The following EYA1 variants were observed in gnomAD, a reference collection of about 807,000 sequenced individuals.
The protein encoded by EYA1 is protein phosphatase EYA1.
Under a neutral mutation model 82.0 loss-of-function variants are expected in EYA1, and 16 were observed. That is an observed-to-expected ratio of 0.20 (90% CI 0.13 to 0.30). The LOEUF is 0.30. Among genes scored for constraint, EYA1 ranks in the 10% least tolerant of loss-of-function variants. EYA1 has a pLI of 1.00. For synonymous variants in EYA1, 261 were observed against 264.4 expected (o/e 0.99, Z 0.12); for missense variants, 633 against 730.7 (o/e 0.87, Z 1.54).
intron 2 of EYA1, among the ~76,000 whole-genome samples, chr8:71,417,197 T>C (rs1345568581): frequency 6.6e-6 from 1 of 152,226 alleles, no homozygotes; most frequent in African/African-American, 2.4e-5. Context: ...CTTGTGATCA[T>C]GTGAGTCAGT....
At chr8:71,293,003 T>C (rs951012785) in intron 9 of EYA1, among the ~76,000 whole-genome samples, 1 of 151,980 alleles carries the variant, frequency 6.6e-6, no homozygotes, top group African/African-American at 2.4e-5. Flanking sequence ...ATCAATGAAA[T>C]TGGCTGTTTG....
chr8:71,479,573 C>G (rs937157959), intron 2 of EYA1, among the ~76,000 whole-genome samples: 1 of 144,760 alleles, frequency 6.9e-6, no homozygotes, highest in Non-Finnish European at 1.5e-5. Context: ...TGCATAAACA[C>G]TGTTGAATGA....
chr8:71,273,811 G>A (rs576364303), intron 9 of EYA1, among the ~76,000 whole-genome samples: 186 of 152,290 alleles, frequency 1.2e-3, no homozygotes, highest in Non-Finnish European at 1.1e-3. Context: ...GTAAGTATTT[G>A]AAGAGAAGCT....
intron 7 of EYA1, among the ~76,000 whole-genome samples, chr8:71,311,744 G>T (rs774604167): frequency 1.3e-5 from 2 of 152,160 alleles, no homozygotes; most frequent in African/African-American, 2.4e-5. Flanking sequence ...TTTTAGTGGT[G>T]CACAAAAGAA....
At chr8:71,422,154 G>GA (rs894718264) in intron 2 of EYA1, among the ~76,000 whole-genome samples, 9 of 152,150 alleles carry the variant, frequency 5.9e-5, no homozygotes, top group African/African-American at 2.2e-4. Context: ...TGATACCTCT[G>GA]AAAAAAATGA....
At chr8:71,355,553 G>A (rs1029639336) in intron 2 of EYA1, among the ~76,000 whole-genome samples, 2 of 152,178 alleles carry the variant, frequency 1.3e-5, no homozygotes, top group African/African-American at 2.4e-5. Flanking sequence ...TTATGATGTC[G>A]GCTCACTTGT....
chr8:71,539,336 CAG>C (rs1270905174), intron 1 of EYA1, among the ~76,000 whole-genome samples: 1 of 152,144 alleles, frequency 6.6e-6, no homozygotes, highest in Non-Finnish European at 1.5e-5. Context: ...CTAAGAAGAG[CAG>C]AGAGTGGCAT....
intron 12 of EYA1, among the ~76,000 whole-genome samples, chr8:71,217,481 C>G (rs1809355773): frequency 6.6e-6 from 1 of 152,184 alleles, no homozygotes; most frequent in South Asian, 2.1e-4. Context: ...CACACCAACA[C>G]AGCCTGAGGC....
At chr8:71,525,816 G>GC (rs1470187782) in intron 2 of EYA1, among the ~76,000 whole-genome samples, 1 of 152,164 alleles carries the variant, frequency 6.6e-6, no homozygotes, top group Non-Finnish European at 1.5e-5. Flanking sequence ...GGCTAAAGCT[G>GC]CCACACTAGC....
intron 11 of EYA1, among the ~76,000 whole-genome samples, chr8:71,252,945 C>T (rs1169312882): frequency 1.3e-5 from 2 of 152,080 alleles, no homozygotes; most frequent in African/African-American, 2.4e-5. Flanking sequence ...TAGGTCTTGG[C>T]AACATCTTGA....
intron 2 of EYA1, among the ~76,000 whole-genome samples, chr8:71,409,863 AACTCATTT>A (rs1216283508): frequency 1.5e-5 from 2 of 135,542 alleles, no homozygotes; most frequent in Non-Finnish European, 3.2e-5. Flanking sequence ...AATCCTCCCT[AACTCATTT>A]TATGAGGCCA....
rs141689406 is a variant in EYA1, at chr8:71,210,527, A to G, written c.1698+629T>C. 1.8e-3 allele frequency among the ~76,000 whole-genome samples: 272 copies of G among 152,272 alleles called. 2 individuals are homozygous for G. The highest frequency in any genetic ancestry group is 6.2e-3 in the African/African-American group (259 of 41,560). ...TTTTAAAAATGCAATGAGAGGCCCA[A>G]TGAGAAAGCTTTTGCTCAGAGAAAT... On this transcript the variant is annotated intron_variant, in intron 17 of 17. Coordinates refer to ENST00000340726, the MANE Select transcript of EYA1 (RefSeq NM_000503.6).
At chr8:71,368,637 T>G (rs920466664) in intron 2 of EYA1, among the ~76,000 whole-genome samples, 1 of 152,222 alleles carries the variant, frequency 6.6e-6, no homozygotes, top group African/African-American at 2.4e-5. Flanking sequence ...GCAGACTTTA[T>G]GCATTTTAAA....
intron 9 of EYA1, among the ~76,000 whole-genome samples, chr8:71,296,631 G>GA (rs11324249): frequency 4.7e-5 from 7 of 147,740 alleles, no homozygotes; most frequent in South Asian, 2.1e-4. Flanking sequence ...AAAAGTAAAA[G>GA]AAAAAAAAAA....
chr8:71,316,370 A>G (rs1472809265), intron 7 of EYA1, among the ~76,000 whole-genome samples: 3 of 152,178 alleles, frequency 2.0e-5, no homozygotes, highest in Non-Finnish European at 4.4e-5. Flanking sequence ...TAAATAAGAT[A>G]TATCTATTTA....
chr8:71,422,178 A>G (rs750413807), intron 2 of EYA1, among the ~76,000 whole-genome samples: 30 of 152,174 alleles, frequency 2.0e-4, no homozygotes, highest in Non-Finnish European at 3.7e-4. Flanking sequence ...CTTTACTTTT[A>G]TGGGGAAGCC....
intron 2 of EYA1, among the ~76,000 whole-genome samples, chr8:71,433,217 C>T (rs1406251909): frequency 6.6e-6 from 1 of 152,000 alleles, no homozygotes; most frequent in Non-Finnish European, 1.5e-5. Flanking sequence ...TTCACAGATC[C>T]CTGGTCTCTA....
chr8:71,501,769 A>T (rs1586840721), intron 2 of EYA1, among the ~76,000 whole-genome samples: 1 of 151,974 alleles, frequency 6.6e-6, no homozygotes, highest in Non-Finnish European at 1.5e-5. Flanking sequence ...TGGTTTAAAA[A>T]CTCCAGCCGG....
chr8:71,337,062 C>T (rs1363855142), intron 3 of EYA1, among the ~76,000 whole-genome samples: 2 of 152,204 alleles, frequency 1.3e-5, no homozygotes, highest in African/African-American at 4.8e-5. Context: ...AGCACCACCA[C>T]ATTTATAAAT....
Sources: gnomAD v4.1 joint callset for allele counts (sites outside exome capture counted in the v4.1 genomes callset) on GRCh38, gnomAD v4.1.1 for gene constraint, MANE v1.5 for transcripts, NCBI Gene and HGNC (gene_info 2026-07-23, HGNC 2026-07-21) for gene names.